The following KHDRBS2 variants were observed in gnomAD, a reference collection of about 807,000 sequenced individuals.
The protein encoded by KHDRBS2 is KH domain-containing, RNA-binding, signal transduction-associated protein 2.
KHDRBS2 carries 26 observed loss-of-function variants against 44.3 expected under a neutral mutation model. That is an observed-to-expected ratio of 0.59 (90% CI 0.43 to 0.81). The LOEUF (loss-of-function observed/expected upper bound fraction) is 0.81, where lower values mean the gene tolerates loss of function less well. Among genes scored for constraint, KHDRBS2 ranks in the 40% least tolerant of loss-of-function variants. The probability of loss-of-function intolerance (pLI) is 0.00; values close to 1 mark genes in which losing one functional copy is unlikely to be tolerated. For synonymous variants in KHDRBS2, 194 were observed against 151.1 expected (o/e 1.28, Z -2.08); for missense variants, 476 against 433.1 (o/e 1.10, Z -0.88).
At chr6:61,653,142 A>T in the KHDRBS2 span, among the ~76,000 whole-genome samples, 2 of 152,108 alleles carry the variant, frequency 1.3e-5, no homozygotes, top group Non-Finnish European at 2.9e-5. Context: ...CACTGAAAAT[A>T]ACAGCTTAAA....
chr6:62,173,439 T>A (rs1224010308), intron 2 of KHDRBS2, among the ~76,000 whole-genome samples: 1 of 151,968 alleles, frequency 6.6e-6, no homozygotes, highest in African/African-American at 2.4e-5. Flanking sequence ...ATTGAATCAG[T>A]AATAAACAGA....
At chr6:61,745,428 T>C (rs1460436598) in intron 6 of KHDRBS2, among the ~76,000 whole-genome samples, 1 of 152,250 alleles carries the variant, frequency 6.6e-6, no homozygotes, top group South Asian at 2.1e-4. Context: ...TTTAGAGTAA[T>C]GAAGTGCTAG....
chr6:61,725,019 C>T (rs1259519026), intron 7 of KHDRBS2, among the ~76,000 whole-genome samples: 4 of 152,100 alleles, frequency 2.6e-5, no homozygotes, highest in South Asian at 2.1e-4. Flanking sequence ...TTCTTCTCAT[C>T]ATGACATGGC....
chr6:62,155,276 G>T (rs1816107247), intron 2 of KHDRBS2, among the ~76,000 whole-genome samples: 1 of 152,074 alleles, frequency 6.6e-6, no homozygotes, highest in African/African-American at 2.4e-5. Context: ...ATTGGAATAG[G>T]GATAAAAAAG....
At chr6:61,854,989 C>G (rs1317353500) in intron 6 of KHDRBS2, among the ~76,000 whole-genome samples, 1 of 151,974 alleles carries the variant, frequency 6.6e-6, no homozygotes. Context: ...CAGAAGTCCC[C>G]AAAGCAATGA....
chr6:62,271,826 C>T (rs757950241), intron 1 of KHDRBS2, among the ~76,000 whole-genome samples: 1 of 152,040 alleles, frequency 6.6e-6, no homozygotes, highest in South Asian at 2.1e-4. Flanking sequence ...AGTCAAAAAG[C>T]TTTTAAAAAT....
rs964996210 is a variant in KHDRBS2, at chr6:61,880,291, T to A, written c.810+14344A>T. The stretch of plus-strand genomic sequence containing the variant: ...TGTAAAAACTTATAATAGAAAAAAA[T>A]ACAAAATATAGCTGGAGGAAAATTG... On this transcript the variant is annotated intron_variant, in intron 6 of 8. Transcript: ENST00000281156. Among the ~76,000 whole-genome samples the A allele has an allele frequency of 1.1e-4, 17 of 151,850 alleles. 1 individual carries two copies. Among genetic ancestry groups the A allele is most frequent in the Admixed American group, 4.6e-4 (7 of 15,206 alleles).
intron 4 of KHDRBS2, among the ~76,000 whole-genome samples, chr6:61,966,376 G>T (rs1377882080): frequency 1.3e-5 from 2 of 151,964 alleles, no homozygotes; most frequent in African/African-American, 2.4e-5. Context: ...TTTTAGTTAT[G>T]CATTTTAATA....
At chr6:61,544,225 C>T in the KHDRBS2 span, among the ~76,000 whole-genome samples, 1 of 151,842 alleles carries the variant, frequency 6.6e-6, no homozygotes, top group East Asian at 1.9e-4. Flanking sequence ...TCTCCATAAA[C>T]ATATACACCT....
chr6:61,888,602 C>T (rs1239382031), intron 6 of KHDRBS2, among the ~76,000 whole-genome samples: 1 of 149,476 alleles, frequency 6.7e-6, no homozygotes, highest in Non-Finnish European at 1.5e-5. Flanking sequence ...CTCTCTGTCA[C>T]CCAGGCTGGA....
chr6:62,063,684 G>A (rs1323842964), intron 2 of KHDRBS2, among the ~76,000 whole-genome samples: 12 of 141,130 alleles, frequency 8.5e-5, no homozygotes, highest in Non-Finnish European at 1.2e-4. Context: ...TACTGAATGG[G>A]CAAAAACTGG....
chr6:61,783,301 C>A (rs1170965779), intron 6 of KHDRBS2, among the ~76,000 whole-genome samples: 1 of 152,080 alleles, frequency 6.6e-6, no homozygotes, highest in African/African-American at 2.4e-5. Context: ...CCTGATACAT[C>A]TTTACTCATC....
chr6:61,651,197 A>G, the KHDRBS2 span, among the ~76,000 whole-genome samples: 2 of 152,136 alleles, frequency 1.3e-5, no homozygotes, highest in African/African-American at 2.4e-5. Flanking sequence ...AACAAAGCCT[A>G]TGACTTAGGG....
chr6:61,545,788 G>C, the KHDRBS2 span, among the ~76,000 whole-genome samples: 51 of 152,078 alleles, frequency 3.4e-4, no homozygotes, highest in African/African-American at 1.2e-3. Flanking sequence ...AGATCATAAG[G>C]GTGGTAGGTC....
chr6:61,579,738 C>T, the KHDRBS2 span, among the ~76,000 whole-genome samples: 3 of 152,096 alleles, frequency 2.0e-5, no homozygotes, highest in Admixed American at 6.6e-5. Flanking sequence ...TCTATTAATC[C>T]CCTAAGCATG....
intron 6 of KHDRBS2, among the ~76,000 whole-genome samples, chr6:61,845,823 G>C (rs192135610): frequency 6.6e-6 from 1 of 152,250 alleles, no homozygotes; most frequent in East Asian, 1.9e-4. Flanking sequence ...TACTACAATT[G>C]TAACTATCAT....
At chr6:61,832,942 CTT>C (rs2127263906) in intron 6 of KHDRBS2, among the ~76,000 whole-genome samples, 1 of 152,238 alleles carries the variant, frequency 6.6e-6, no homozygotes, top group African/African-American at 2.4e-5. Flanking sequence ...TCTTCATAAA[CTT>C]AATACTTTGA....
At chr6:61,742,917 A>G (rs902500580) in intron 6 of KHDRBS2, among the ~76,000 whole-genome samples, 3 of 152,124 alleles carry the variant, frequency 2.0e-5, no homozygotes, top group African/African-American at 7.2e-5. Context: ...ATATATGTAC[A>G]CTCAATATAA....
chr6:61,901,205 C>T (rs183093740), intron 5 of KHDRBS2, 39 bp downstream of exon 5: 3 of 1,597,040 alleles, frequency 1.9e-6, no homozygotes, highest in Admixed American at 3.5e-5. Context: ...AAAAGGCCTG[C>T]CATCATCCTT....
Sources: allele counts gnomAD v4.1 joint callset (sites outside exome capture counted in the v4.1 genomes callset), GRCh38; gene constraint gnomAD v4.1.1; transcripts MANE v1.5; gene names NCBI Gene and HGNC (gene_info 2026-07-23, HGNC 2026-07-21).